ANXA7: variants seen among roughly 807,000 people sequenced by gnomAD.
The protein encoded by ANXA7 is annexin A7, also known as annexin VII.
A neutral mutation model predicts 64.9 loss-of-function variants in ANXA7; 55 were observed. That is an observed-to-expected ratio of 0.85 (90% CI 0.68 to 1.06). The LOEUF is 1.06. Ranked by LOEUF, ANXA7 falls within the 50% of genes least tolerant of loss-of-function variation. The pLI is 0.00. For synonymous variants in ANXA7, 200 were observed against 192.4 expected, an observed-to-expected ratio of 1.04 and a Z score of -0.33; for missense variants, 548 against 582.1, an observed-to-expected ratio of 0.94 and a Z score of 0.60.
chr10:73,385,096 G>T (rs1251527455), intron 7 of ANXA7, among the ~76,000 whole-genome samples: 1 of 152,206 alleles, frequency 6.6e-6, no homozygotes, highest in Non-Finnish European at 1.5e-5. Flanking sequence ...CCAAGAATGA[G>T]CAAAGCTTGT....
intron 5 of ANXA7, 128 bp from the exon 6 acceptor site, chr10:73,388,542 G>A (rs1261839263): frequency 4.5e-6 from 3 of 670,338 alleles, no homozygotes; most frequent in Non-Finnish European, 7.8e-6. Flanking sequence ...GCAAGGATAT[G>A]AGCATTTTAT....
At chr10:73,377,019 G>A (rs1476920981) in intron 12 of ANXA7, among the ~76,000 whole-genome samples, 1 of 152,164 alleles carries the variant, frequency 6.6e-6, no homozygotes, top group African/African-American at 2.4e-5. Context: ...AAAGGAGAAT[G>A]GGGAGTTACT....
At chr10:73,405,170 G>T (rs2055733359) in intron 1 of ANXA7, among the ~76,000 whole-genome samples, 1 of 151,412 alleles carries the variant, frequency 6.6e-6, no homozygotes, top group Non-Finnish European at 1.5e-5. Context: ...TTGAACCCAG[G>T]AGGTGGAGGT....
chr10:73,395,752 C>T (rs2055559328), intron 5 of ANXA7: 1 of 464,606 alleles, frequency 2.2e-6, no homozygotes, highest in African/African-American at 2.0e-5. Flanking sequence ...TGCCACTGCA[C>T]TCTAGCCTGG....
intron 5 of ANXA7, chr10:73,396,241 G>A: frequency 1.5e-6 from 1 of 664,624 alleles, no homozygotes. Flanking sequence ...GCAAGGAAGA[G>A]GAAAAAGAAC....
At chr10:73,391,893 C>T (rs774273437) in intron 5 of ANXA7, among the ~76,000 whole-genome samples, 28 of 152,182 alleles carry the variant, frequency 1.8e-4, no homozygotes, top group Non-Finnish European at 3.5e-4. Flanking sequence ...CTGTTAACTT[C>T]TACCTACTGG....
At chr10:73,400,161 CA>C (rs1203337960) in intron 2 of ANXA7, among the ~76,000 whole-genome samples, 2 of 151,782 alleles carry the variant, frequency 1.3e-5, no homozygotes, top group African/African-American at 2.4e-5. Context: ...AACAAACAAA[CA>C]AACAAAAACT....
intron 1 of ANXA7, among the ~76,000 whole-genome samples, chr10:73,406,239 A>T (rs894756282): frequency 6.6e-6 from 1 of 152,170 alleles, no homozygotes; most frequent in Non-Finnish European, 1.5e-5. Flanking sequence ...CGCAGGCATG[A>T]GCCACTGCGC....
intron 5 of ANXA7, chr10:73,395,767 C>T (rs2055559783): frequency 4.2e-6 from 2 of 479,570 alleles, no homozygotes; most frequent in Non-Finnish European, 3.9e-6. Flanking sequence ...GCCTGGGTGC[C>T]AACAGTGAAA....
At position 73,387,878 on chromosome 10, in the gene ANXA7, T is replaced by C. The variant is rs2055403759; in HGVS notation, c.539-95A>G. The C allele has an allele frequency of 1.4e-5, 14 of 1,000,328 alleles. No individual in the cohort carries two copies. In the South Asian group the frequency reaches 2.0e-4, roughly 14 times the overall value. 62.0% of individuals were successfully genotyped at this position (1,000,328 alleles called of 1,614,324 possible). The stretch of plus-strand genomic sequence containing the variant: ...TTTTTTTTTTTTTTTTGAGACGGAG[T>C]TTGTCACCCAGACTGGGGGTGCAAG... On this transcript the variant is annotated intron_variant, in intron 6 of 12. Transcript: ENST00000372921.
In ANXA7 at chr10:73,414,016, C is replaced by T. The variant is rs1431543522; in HGVS notation, c.-6G>A. The T allele has an allele frequency of 6.6e-6, 1 of 152,612 alleles. No homozygotes were observed. The highest frequency in any genetic ancestry group is 2.1e-4 in the South Asian group (1 of 4,838). The allele number at this position is 152,612 out of a possible 1,614,324, so 9.5% of individuals were successfully genotyped here. A position where few individuals can be genotyped will look rare whatever the true frequency, so the allele number is the denominator to read the frequency against. The stretch of plus-strand genomic sequence containing the variant: ...GAGGGGGGCGCCGCTCCTCACCTGA[C>T]CCCAGCAGCAGCGTCACAGCCCAAC... On this transcript the variant is annotated 5_prime_UTR_variant, in exon 1 of 13. Coordinates refer to ENST00000372921, the MANE Select transcript of ANXA7 (RefSeq NM_001156.5).
At position 73,375,993 on chromosome 10, in the gene ANXA7, CT is replaced by C; in HGVS notation, c.*101del. ...CTGATACGGTCCTTGACAGAAAGCT[CT>C]TTCGGTTAGCTGATGTTTGATATTG... On this transcript the variant is annotated 3_prime_UTR_variant, in exon 13 of 13. Transcript: ENST00000372921. 1 of 1,034,544 alleles carries C rather than the reference CT, an allele frequency of 9.7e-7. No individual in the cohort carries two copies. Among genetic ancestry groups the C allele is most frequent in the East Asian group, 2.8e-5 (1 of 36,324 alleles). The allele number at this position is 1,034,544 out of a possible 1,614,324, so 64.1% of individuals were successfully genotyped here.
In ANXA7 at chr10:73,403,895, C is replaced by T. The variant is rs556967311; in HGVS notation, c.-1-3038G>A. On this transcript the variant is annotated intron_variant, in intron 1 of 12. Transcript: ENST00000372921. ...TCATTTCTTCATCTATAAAATGGGA[C>T]GTGAACGTACCTACTTAAGGATGTT... 2.0e-5 allele frequency among the ~76,000 whole-genome samples: 3 copies of T among 152,174 alleles called. No individual in the cohort carries two copies. In the South Asian group the frequency reaches 6.2e-4, roughly 32 times the overall value.
At position 73,375,858 on chromosome 10, in the gene ANXA7, T is replaced by A. The variant is rs977260466; in HGVS notation, c.*237A>T. The A allele has an allele frequency of 3.4e-6, 1 of 293,334 alleles. No homozygotes were observed. The highest frequency in any genetic ancestry group is 5.9e-5 in the East Asian group (1 of 16,930). 18.2% of individuals were successfully genotyped at this position (293,334 alleles called of 1,614,324 possible). A position where few individuals can be genotyped will look rare whatever the true frequency, so the allele number is the denominator to read the frequency against. ...TAGTAAGAATGAAGGTTTACAAACA[T>A]TGCAATATTACTGTATCATTGTGAT... On this transcript the variant is annotated 3_prime_UTR_variant, in exon 13 of 13. Coordinates refer to ENST00000372921, the MANE Select transcript of ANXA7 (RefSeq NM_001156.5).
chr10:73,381,191 A>G (rs2055269292), intron 9 of ANXA7, among the ~76,000 whole-genome samples: 1 of 152,102 alleles, frequency 6.6e-6, no homozygotes, highest in Non-Finnish European at 1.5e-5. Flanking sequence ...AGCTCACACC[A>G]CCACACTCAG....
In ANXA7 at chr10:73,400,849, T is replaced by C. The variant is rs2055650633; in HGVS notation, c.8A>G (p.Tyr3Cys). The change falls in exon 2 of 13, where the codon TAC becomes TGC. Residue 3 changes from tyrosine to cysteine, a missense_variant. Coordinates refer to ENST00000372921, the MANE Select transcript of ANXA7 (RefSeq NM_001156.5). MS[Y>C]PGYPPTGYPP... ...GTAGCCTGTTGGGGGATAGCCTGGG[T>C]ATGACATTCTGTAACAACAATAAAA... The C allele has an allele frequency of 3.7e-6, 6 of 1,600,410 alleles. No individual in the cohort carries two copies. The highest frequency in any genetic ancestry group is 5.1e-6 in the Non-Finnish European group (6 of 1,173,086).
intron 1 of ANXA7, among the ~76,000 whole-genome samples, chr10:73,410,082 A>G (rs894212791): frequency 6.6e-6 from 1 of 152,124 alleles, no homozygotes; most frequent in African/African-American, 2.4e-5. Context: ...ACAGTCTTCT[A>G]AACACTGGCC....
At position 73,398,318 on chromosome 10, in the gene ANXA7, A is replaced by G; in HGVS notation, c.122T>C (p.Met41Thr). 1 of 1,614,098 alleles carries G rather than the reference A, an allele frequency of 6.2e-7. No homozygotes were observed. The highest frequency in any genetic ancestry group is 1.1e-5 in the South Asian group (1 of 91,074). The change falls in exon 3 of 13, where the codon ATG becomes ACG. Residue 41 changes from methionine (M) to threonine (T), a missense_variant. Physicochemically the swap from Met to Thr is moderately conservative, Grantham distance 81. Coordinates refer to ENST00000372921, the MANE Select transcript of ANXA7 (RefSeq NM_001156.5). Reference sequence around the variant, plus strand: ...CACTTGTGGGTAGGCACCTCCTCCCATTGGAGGAAAGCCACTAGGATAAGG... The same window carrying G: ...CACTTGTGGGTAGGCACCTCCTCCCGTTGGAGGAAAGCCACTAGGATAAGG... Reference protein sequence around the residue: ...QYPYPSGFPPMGGGAYPQVPS... With the variant: ...QYPYPSGFPPTGGGAYPQVPS...
intron 1 of ANXA7, among the ~76,000 whole-genome samples, chr10:73,409,163 G>C (rs1259323841): frequency 6.6e-6 from 1 of 152,188 alleles, no homozygotes; most frequent in Non-Finnish European, 1.5e-5. Flanking sequence ...GGAAGTATTA[G>C]CCAGAGGGAA....
Sources: gnomAD v4.1 joint callset for allele counts (sites outside exome capture counted in the v4.1 genomes callset) on GRCh38, gnomAD v4.1.1 for gene constraint, MANE v1.5 for transcripts, NCBI Gene and HGNC (gene_info 2026-07-23, HGNC 2026-07-21) for gene names.